ZFAT: variants seen among roughly 807,000 people sequenced by gnomAD.
The protein encoded by ZFAT is zinc finger and AT-hook domain containing, also known as zinc finger protein ZFAT.
A neutral mutation model predicts 117.7 loss-of-function variants in ZFAT; 64 were observed. The observed-to-expected ratio is 0.54, with a 90% confidence interval of 0.44 to 0.67. The LOEUF (loss-of-function observed/expected upper bound fraction) is 0.67. Ranked by LOEUF, ZFAT falls within the 30% of genes least tolerant of loss-of-function variation. The pLI, the probability that ZFAT is intolerant of heterozygous loss-of-function variation, is 0.00. For synonymous variants in ZFAT, 679 were observed against 615.0 expected, an observed-to-expected ratio of 1.10 and a Z score of -1.54; for missense variants, 1,433 against 1,584.5, an observed-to-expected ratio of 0.90 and a Z score of 1.62.
intron 3 of ZFAT, 75 bp downstream of exon 3, chr8:134,637,386 C>T (rs1458236122): frequency 6.5e-7 from 1 of 1,532,800 alleles, no homozygotes; most frequent in Admixed American, 1.9e-5. Context: ...TAAAAACTGA[C>T]CCAGTGAAAC....
chr8:134,568,473 C>A (rs1824639253), intron 10 of ZFAT, among the ~76,000 whole-genome samples: 1 of 152,212 alleles, frequency 6.6e-6, no homozygotes, highest in Admixed American at 6.5e-5. Flanking sequence ...GTGTTCTTCA[C>A]CACTAGAGTG....
chr8:134,753,139 T>G, the ZFAT span, among the ~76,000 whole-genome samples: 5 of 152,052 alleles, frequency 3.3e-5, no homozygotes, highest in African/African-American at 1.2e-4. Context: ...TGTTCGAGGT[T>G]ACAATGAGGT....
chr8:134,702,847 A>G (rs1433483059), intron 1 of ZFAT, among the ~76,000 whole-genome samples: 2 of 151,920 alleles, frequency 1.3e-5, no homozygotes, highest in African/African-American at 4.8e-5. Context: ...AATTTCTTGT[A>G]TTTTTAGTAG....
rs773823529 is a variant in ZFAT at position 134,602,078 on chromosome 8, C to T, written c.1641G>A (p.Lys547=). The T allele has an allele frequency of 6.2e-7, 1 of 1,611,490 alleles. No homozygotes were observed. ...GCATTTCCCCAGGGGCCTCCGGCTC[C>T]TTCCGGCCCTCCTCCAGCTGAGTGT... ...PGDTQLEEGR[K]EPEAPGEMPA... Residue 547 remains lysine (K), a synonymous_variant, in exon 6 of 16, where the codon AAG becomes AAA. Transcript: ENST00000377838.
rs1819928777 is a variant in ZFAT at position 134,512,494 on chromosome 8, C to T, written c.3342G>A (p.Leu1114=). Residue 1114 remains leucine, a synonymous_variant, in exon 14 of 16, where the codon CTG becomes CTA. Coordinates refer to ENST00000377838, the MANE Select transcript of ZFAT (RefSeq NM_020863.4). ...TQAAVAALQD[L]RYTSESGDRL... is the part of the protein sequence containing the mutation. Reference sequence around the variant, plus strand: ...CCTCACCACTCTCAGAGGTGTATCTCAGGTCCTGGAGCGCGGCCACCGCTG... The same window carrying T: ...CCTCACCACTCTCAGAGGTGTATCTTAGGTCCTGGAGCGCGGCCACCGCTG... 1.9e-6 allele frequency: 3 copies of T among 1,613,990 alleles called. No homozygotes were observed. The highest frequency in any genetic ancestry group is 2.5e-6 in the Non-Finnish European group (3 of 1,179,866).
chr8:134,595,636 C>T (rs1826869461), intron 7 of ZFAT, among the ~76,000 whole-genome samples: 1 of 152,166 alleles, frequency 6.6e-6, no homozygotes, highest in African/African-American at 2.4e-5. Context: ...GGATTTGCTC[C>T]AGAAATGTCA....
chr8:134,578,966 G>T (rs1825520817), intron 10 of ZFAT, among the ~76,000 whole-genome samples: 1 of 151,824 alleles, frequency 6.6e-6, no homozygotes, highest in South Asian at 2.1e-4. Flanking sequence ...CCGAAGTCTG[G>T]CTTTTACACT....
chr8:134,602,209 C>A lies in ZFAT; in HGVS notation c.1510G>T (p.Gly504Cys). 6.2e-7 allele frequency: 1 copy of A among 1,613,616 alleles called. No individual in the cohort carries two copies. Among genetic ancestry groups the A allele is most frequent in the South Asian group, 1.1e-5 (1 of 91,088 alleles). ...INQSFCLLEP[G>C]GDIQQEALGD... Reference sequence around the variant, plus strand: ...AGAGCTTCTTGCTGGATGTCCCCACCAGGTTCCAGGAGGCAGAAGCTCTGG... The same window carrying A: ...AGAGCTTCTTGCTGGATGTCCCCACAAGGTTCCAGGAGGCAGAAGCTCTGG... Residue 504 changes from glycine (G) to cysteine (C), a missense_variant, in exon 6 of 16, where the codon GGT (glycine) becomes TGT (cysteine). Around this residue, in one of 5 missense-constraint regions of ZFAT, gnomAD observed 372 missense variants for 355.6 expected, o/e 1.05. Transcript: ENST00000377838.
intron 7 of ZFAT, chr8:134,599,829 C>A (rs1371817342): frequency 2.0e-5 from 9 of 454,868 alleles, no homozygotes; most frequent in African/African-American, 1.6e-4. Flanking sequence ...AATAAGCATT[C>A]ATTCATTGTG....
At chr8:134,694,587 G>A (rs1266352601) in intron 1 of ZFAT, among the ~76,000 whole-genome samples, 2 of 152,126 alleles carry the variant, frequency 1.3e-5, no homozygotes, top group Non-Finnish European at 2.9e-5. Flanking sequence ...CTCAAGGAGA[G>A]GTCAACACAC....
Position 134,712,858 on chromosome 8 carries a change from C to T in ZFAT, c.6G>A (p.Glu2=). 1 of 1,484,434 alleles carries T rather than the reference C, an allele frequency of 6.7e-7. No homozygotes were observed. The allele number at this position is 1,484,434 out of a possible 1,614,324, so 92.0% of individuals were successfully genotyped here. A position where few individuals can be genotyped will look rare whatever the true frequency, so the allele number is the denominator to read the frequency against. ...AGCCCGGCTCACCTGCCGCCCGCGT[C>T]TCCATGGCAACGCCCCACCGCGGAG... M[E]TRAAENTAIF... The change falls in exon 1 of 16, where the codon GAG becomes GAA. Residue 2 remains glutamate, a synonymous_variant. Coordinates refer to ENST00000377838, the MANE Select transcript of ZFAT (RefSeq NM_020863.4).
At chr8:134,797,668 A>G in the ZFAT span, 1 of 152,240 alleles carries the variant, frequency 6.6e-6, no homozygotes, top group East Asian at 1.9e-4. Flanking sequence ...AATAATGTAT[A>G]TTAAATAGTA....
At chr8:134,810,618 G>A in the ZFAT span, among the ~76,000 whole-genome samples, 11 of 152,176 alleles carry the variant, frequency 7.2e-5, no homozygotes, top group South Asian at 8.3e-4. Context: ...CTTATAACTA[G>A]CTATGTAATC....
intron 10 of ZFAT, among the ~76,000 whole-genome samples, chr8:134,573,996 G>A (rs538732391): frequency 1.3e-5 from 2 of 152,376 alleles, no homozygotes; most frequent in African/African-American, 4.8e-5. Context: ...AGAAAGGGAA[G>A]AGGGGACTTG....
chr8:134,689,133 A>G (rs1280852223), intron 1 of ZFAT, among the ~76,000 whole-genome samples: 1 of 152,172 alleles, frequency 6.6e-6, no homozygotes, highest in Non-Finnish European at 1.5e-5. Flanking sequence ...TCACCATAAT[A>G]CACGCCCACC....
chr8:134,608,568 A>G (rs1423704420), intron 5 of ZFAT, among the ~76,000 whole-genome samples, 161 bp downstream of exon 5: 1 of 152,148 alleles, frequency 6.6e-6, no homozygotes. Flanking sequence ...GAGGGCTGCC[A>G]TGGAGGGGTA....
chr8:134,532,806 G>A (rs1489583382), intron 12 of ZFAT, 28 bp downstream of exon 12: 2 of 1,606,154 alleles, frequency 1.2e-6, no homozygotes, highest in Non-Finnish European at 1.7e-6. Flanking sequence ...AAGCGGGCAG[G>A]GCCCCAGCTC....
intron 1 of ZFAT, among the ~76,000 whole-genome samples, chr8:134,694,348 G>T (rs1199294996): frequency 6.6e-6 from 1 of 152,162 alleles, no homozygotes; most frequent in Non-Finnish European, 1.5e-5. Flanking sequence ...AAACACCGAA[G>T]ATACTTAGGA....
At chr8:134,537,664 T>G (rs1368424075) in intron 11 of ZFAT, among the ~76,000 whole-genome samples, 1 of 151,554 alleles carries the variant, frequency 6.6e-6, no homozygotes, top group Non-Finnish European at 1.5e-5. Context: ...TCTGGATACC[T>G]GGAAGTTAAA....
Sources: gnomAD v4.1 joint callset for allele counts (sites outside exome capture counted in the v4.1 genomes callset) on GRCh38, gnomAD v4.1.1 for gene constraint, gnomAD v4.1.1 regional missense constraint, MANE v1.5 for transcripts, NCBI Gene and HGNC (gene_info 2026-07-23, HGNC 2026-07-21) for gene names.